Variants in DYNC1H1 observed in about 807,000 individuals in gnomAD.
The protein encoded by DYNC1H1 is dynein cytoplasmic 1 heavy chain 1, also known as cytoplasmic dynein 1 heavy chain 1.
DYNC1H1 carries 51 observed loss-of-function variants against 527.1 expected under a neutral mutation model. The observed-to-expected ratio is 0.10, with a 90% CI of 0.08 to 0.12. The LOEUF (loss-of-function observed/expected upper bound fraction) is 0.12, where lower values mean the gene tolerates loss of function less well. Among genes scored for constraint, DYNC1H1 ranks in the 10% least tolerant of loss-of-function variants. The pLI is 1.00. For synonymous variants in DYNC1H1, 2,189 were observed against 2,278.8 expected (o/e 0.96, Z 1.12); for missense variants, 2,771 against 5,971.8 (o/e 0.46, Z 17.66).
At position 102,011,481 on chromosome 14, in the gene DYNC1H1, T is replaced by C; in HGVS notation, c.6619-394T>C. On this transcript the variant is annotated intron_variant, in intron 32 of 77. Transcript: ENST00000360184. This position sits in a 1 kb window ranked among gnomAD's most constrained non-coding sequence, Gnocchi z 5.3. ...TGTCCTTGTTGAGGCTGCTCATTGG[T>C]GTCTCCTGTCCCACTGGCTCCAGCC... 1 of 349,124 alleles carries C rather than the reference T, an allele frequency of 2.9e-6. No homozygotes were observed. The highest frequency in any genetic ancestry group is 5.5e-6 in the Non-Finnish European group (1 of 180,344). 21.6% of individuals were successfully genotyped at this position (349,124 alleles called of 1,614,324 possible).
chr14:101,987,385 A>G, intron 8 of DYNC1H1, 68 bp from the exon 9 acceptor site: 1 of 1,485,208 alleles, frequency 6.7e-7, no homozygotes, highest in Non-Finnish European at 9.2e-7. Flanking sequence ...TTTGAGAAGA[A>G]TGTTATGTGA....
At position 102,029,991 on chromosome 14, in the gene DYNC1H1, A is replaced by G. The variant is rs1567017958; in HGVS notation, c.9762+53A>G. The G allele has an allele frequency of 4.3e-6, 7 of 1,613,444 alleles. No individual in the cohort carries two copies. The highest frequency in any genetic ancestry group is 3.3e-5 in the Admixed American group (2 of 59,946). The stretch of plus-strand genomic sequence containing the variant: ...AAGGACTGAGCATTTTCAGTCTCCA[A>G]TGAGAGAGTAGGAAATGTAGTTCCA... On this transcript the variant is annotated intron_variant, in intron 50 of 77. Transcript: ENST00000360184. This position sits in a 1 kb window ranked among gnomAD's most constrained non-coding sequence, Gnocchi z 5.3.
intron 16 of DYNC1H1, 71 bp from the exon 17 acceptor site, chr14:101,999,918 A>G: frequency 1.2e-6 from 2 of 1,610,050 alleles, no homozygotes; most frequent in South Asian, 2.2e-5. Context: ...TCTGTGCACC[A>G]TTTTAAAGCC....
chr14:102,031,667 A>T (rs1406935897), intron 51 of DYNC1H1, among the ~76,000 whole-genome samples: 2 of 151,366 alleles, frequency 1.3e-5, no homozygotes, highest in Non-Finnish European at 2.9e-5. Flanking sequence ...TTTTTAAAAT[A>T]TTTTTGGCCA....
chr14:102,040,278 A>C lies in DYNC1H1; in HGVS notation c.11733A>C (p.Gly3911=). 1.2e-6 allele frequency: 2 copies of C among 1,614,182 alleles called. No homozygotes were observed. The highest frequency in any genetic ancestry group is 1.7e-6 in the Non-Finnish European group (2 of 1,180,036). ...CAGAATTCCAGCACTTCTTGAGAGG[A>C]AATGAGATTGTCCTGAGTGCTGGCT... ...YDAEFQHFLR[G]NEIVLSAGST... The change falls in exon 63 of 78, where the codon GGA becomes GGC. Residue 3911 remains glycine (G), a synonymous_variant. Coordinates refer to ENST00000360184, the MANE Select transcript of DYNC1H1 (RefSeq NM_001376.5).
chr14:101,988,993 G>C, intron 10 of DYNC1H1, 141 bp downstream of exon 10: 2 of 1,163,366 alleles, frequency 1.7e-6, no homozygotes, highest in Non-Finnish European at 2.5e-6. Flanking sequence ...AGCCTCACCA[G>C]TGGCGATGTG....
At chr14:102,031,304 G>A (rs1045443306) in intron 51 of DYNC1H1, among the ~76,000 whole-genome samples, 1 of 152,158 alleles carries the variant, frequency 6.6e-6, no homozygotes, top group Non-Finnish European at 1.5e-5. Flanking sequence ...TGCAACCATG[G>A]CTCACTGTAG....
chr14:101,965,070 TG>T lies in DYNC1H1; in HGVS notation c.256+125del. 1.8e-6 allele frequency: 2 copies of T among 1,084,556 alleles called. No individual in the cohort carries two copies. Among genetic ancestry groups the T allele is most frequent in the Non-Finnish European group, 2.5e-6 (2 of 788,082 alleles). The allele number at this position is 1,084,556 out of a possible 1,614,324, so 67.2% of individuals were successfully genotyped here. ...GAGCCCGGCAGCTGCAGATGACCCCTGGATGGGCAGAGCCCGGCGGCCGCAG... is the reference window on the plus strand; with the variant it reads ...GAGCCCGGCAGCTGCAGATGACCCCTGATGGGCAGAGCCCGGCGGCCGCAG... On this transcript the variant is annotated intron_variant, in intron 1 of 77. Coordinates refer to ENST00000360184, the MANE Select transcript of DYNC1H1 (RefSeq NM_001376.5). This position sits in a 1 kb window ranked among gnomAD's most constrained non-coding sequence, Gnocchi z 4.1.
rs2048355262 is a variant in DYNC1H1, at chr14:102,018,985, A to C, written c.8343+369A>C. 6.6e-6 allele frequency among the ~76,000 whole-genome samples: 1 copy of C among 152,092 alleles called. No individual in the cohort carries two copies. The highest frequency in any genetic ancestry group is 6.6e-5 in the Admixed American group (1 of 15,266). On this transcript the variant is annotated intron_variant, in intron 41 of 77. Coordinates refer to ENST00000360184, the MANE Select transcript of DYNC1H1 (RefSeq NM_001376.5). The surrounding 1 kb of genome is among the most constrained non-coding windows in gnomAD (Gnocchi z 5.2). ...AGAAGTTTATTGAAATAAAGATTGGACTTTATTCAGAGATGTTATTGAGCC... is the reference window on the plus strand; with the variant it reads ...AGAAGTTTATTGAAATAAAGATTGGCCTTTATTCAGAGATGTTATTGAGCC...
chr14:102,031,377 G>C (rs17512670), intron 51 of DYNC1H1, among the ~76,000 whole-genome samples: 1 of 152,046 alleles, frequency 6.6e-6, no homozygotes, highest in African/African-American at 2.4e-5. Context: ...TGGAACTATA[G>C]GTGCGCGCCG....
Position 101,994,656 on chromosome 14 carries a change from G to A in DYNC1H1, c.3157-17G>A. ...TGAAAACTCAAACTATTATTTAACT[G>A]TGTTCTTCATTTGCAGGTTTGGCTT... On this transcript the variant is annotated splice_polypyrimidine_tract_variant and intron_variant, in intron 12 of 77. Transcript: ENST00000360184. The A allele has an allele frequency of 1.9e-6, 3 of 1,613,882 alleles. No individual in the cohort carries two copies. In the South Asian group the frequency reaches 3.3e-5, roughly 18 times the overall value.
chr14:102,029,617 T>C lies in DYNC1H1; in HGVS notation c.9547T>C (p.Tyr3183His), dbSNP rs1447551753. 1 of 1,614,076 alleles carries C rather than the reference T, an allele frequency of 6.2e-7. No individual in the cohort carries two copies. Among genetic ancestry groups the C allele is most frequent in the Non-Finnish European group, 8.5e-7 (1 of 1,180,040 alleles). ...CCACTACCTGGACTTCATCAATCAC[T>C]ATGCCAACCTGTTCCACGAGAAGCG... ...PRHYLDFINHYANLFHEKRSE... is the reference protein window; with the variant it reads ...PRHYLDFINHHANLFHEKRSE... The change falls in exon 49 of 78, where the codon TAT becomes CAT. Residue 3183 changes from tyrosine (Y) to histidine (H), a missense_variant. Physicochemically the swap from Tyr to His is moderately conservative, Grantham distance 83 (BLOSUM62 2). Around this residue, in one of 32 missense-constraint regions of DYNC1H1, gnomAD observed 67 missense variants for 128.2 expected, o/e 0.52. Coordinates refer to ENST00000360184, the MANE Select transcript of DYNC1H1 (RefSeq NM_001376.5). The surrounding 1 kb of genome is among the most constrained non-coding windows in gnomAD (Gnocchi z 5.3).
At position 102,010,043 on chromosome 14, in the gene DYNC1H1, C is replaced by T; in HGVS notation, c.6178C>T (p.Arg2060Cys). 4 of 1,613,976 alleles carry T rather than the reference C, an allele frequency of 2.5e-6. No homozygotes were observed. Among genetic ancestry groups the T allele is most frequent in the South Asian group, 1.1e-5 (1 of 91,088 alleles). ...GGTCATGCTGTACTCACAGGGTTTC[C>T]GCACTGCTGAAGTGCTTGCCAACAA... Reference protein sequence around the residue: ...AQVMLYSQGFRTAEVLANKIV... With the variant: ...AQVMLYSQGFCTAEVLANKIV... The change falls in exon 30 of 78, where the codon CGC becomes TGC. Residue 2060 changes from arginine (R) to cysteine (C), a missense_variant. Around this residue, in one of 32 missense-constraint regions of DYNC1H1, gnomAD observed 19 missense variants for 90.4 expected, o/e 0.21. Transcript: ENST00000360184. This position sits in a 1 kb window ranked among gnomAD's most constrained non-coding sequence, Gnocchi z 6.0.
chr14:102,029,281 T>G lies in DYNC1H1; in HGVS notation c.9469-258T>G. The G allele has an allele frequency of 1.9e-6, 1 of 527,648 alleles. No individual in the cohort carries two copies. Among genetic ancestry groups the G allele is most frequent in the East Asian group, 3.3e-5 (1 of 29,888 alleles). 32.7% of individuals were successfully genotyped at this position (527,648 alleles called of 1,614,324 possible). Reference sequence around the variant, plus strand: ...AGTAACTGACATTTGTGATGCCTTTTCACATAAGTACACCTCTAAAGTTGG... The same window carrying G: ...AGTAACTGACATTTGTGATGCCTTTGCACATAAGTACACCTCTAAAGTTGG... On this transcript the variant is annotated intron_variant, in intron 48 of 77. Coordinates refer to ENST00000360184, the MANE Select transcript of DYNC1H1 (RefSeq NM_001376.5). This position sits in a 1 kb window ranked among gnomAD's most constrained non-coding sequence, Gnocchi z 5.3.
Position 101,983,564 on chromosome 14 carries a change from G to T in DYNC1H1, c.1416G>T (p.Gln472His). ...ACCAGATGAGAAAATTTAGACGCCA[G>T]CATGAACAGCTAAGAGCTGTTATCG... The part of the protein sequence containing the change: ...RLDQMRKFRR[Q>H]HEQLRAVIVR... Residue 472 changes from glutamine (Q) to histidine (H), a missense_variant, in exon 7 of 78, where the codon CAG becomes CAT. This residue lies in a region of DYNC1H1 where 264 missense variants were observed against 619.4 expected (regional missense o/e 0.43). Transcript: ENST00000360184. This position sits in a 1 kb window ranked among gnomAD's most constrained non-coding sequence, Gnocchi z 5.3. 6.2e-7 allele frequency: 1 copy of T among 1,614,182 alleles called. No individual in the cohort carries two copies. The highest frequency in any genetic ancestry group is 8.5e-7 in the Non-Finnish European group (1 of 1,180,036).
At chr14:102,006,952 GAT>G (rs1378593107) in intron 27 of DYNC1H1, 54 bp from the exon 28 acceptor site, 2 of 1,573,224 alleles carry the variant, frequency 1.3e-6, no homozygotes, top group Non-Finnish European at 1.7e-6. Context: ...TAAAGCTAAA[GAT>G]ATGTTTTCAG....
At chr14:102,007,213 G>A in intron 28 of DYNC1H1, 105 bp downstream of exon 28, 2 of 1,282,414 alleles carry the variant, frequency 1.6e-6, no homozygotes, top group Non-Finnish European at 2.2e-6. Flanking sequence ...TTACAGCTCA[G>A]CGTGGTTTAT....
At position 102,036,250 on chromosome 14, in the gene DYNC1H1, C is replaced by T. The variant is rs1429667374; in HGVS notation, c.10755-239C>T. On this transcript the variant is annotated intron_variant, in intron 56 of 77. Coordinates refer to ENST00000360184, the MANE Select transcript of DYNC1H1 (RefSeq NM_001376.5). This position sits in a 1 kb window ranked among gnomAD's most constrained non-coding sequence, Gnocchi z 5.6. ...GAAGGAAAAAGATTTTTAACTATGG[C>T]CCTCTTGGTGTATGACTCAAGCTAC... The T allele has an allele frequency of 6.1e-6, 3 of 492,234 alleles. No individual in the cohort carries two copies. Among genetic ancestry groups the T allele is most frequent in the African/African-American group, 1.9e-5 (1 of 51,406 alleles). The allele number at this position is 492,234 out of a possible 1,614,324, so 30.5% of individuals were successfully genotyped here.
rs1477956667 is a variant in DYNC1H1 at position 102,052,289 on chromosome 14, A to G, written c.*1726A>G. 6.6e-6 allele frequency: 1 copy of G among 152,250 alleles called. No individual in the cohort carries two copies. The highest frequency in any genetic ancestry group is 2.4e-5 in the African/African-American group (1 of 41,412). 9.4% of individuals were successfully genotyped at this position (152,250 alleles called of 1,614,324 possible). A position where few individuals can be genotyped will look rare whatever the true frequency, so the allele number is the denominator to read the frequency against. On this transcript the variant is annotated 3_prime_UTR_variant, in exon 78 of 78. Coordinates refer to ENST00000360184, the MANE Select transcript of DYNC1H1 (RefSeq NM_001376.5). The stretch of plus-strand genomic sequence containing the variant: ...GCTGGGACCACAGACACACACCACC[A>G]TGTCGGCTAATTTTTGTATCTTTTG...
Sources: allele counts gnomAD v4.1 joint callset (sites outside exome capture counted in the v4.1 genomes callset), GRCh38; gene constraint gnomAD v4.1.1; regional missense constraint gnomAD v4.1.1; non-coding constraint Gnocchi (gnomAD v3.1); transcripts MANE v1.5; gene names NCBI Gene and HGNC (gene_info 2026-07-23, HGNC 2026-07-21).